The following PRIM2 variants were observed in gnomAD, a reference collection of about 807,000 sequenced individuals.
PRIM2 encodes DNA primase large subunit.
Under a neutral mutation model 67.3 loss-of-function variants are expected in PRIM2, and 39 were observed. The observed-to-expected ratio is 0.58, with a 90% CI of 0.45 to 0.76. The LOEUF is 0.76. PRIM2 is among the 30% of genes least tolerant of loss of function. The pLI, the probability that PRIM2 is intolerant of heterozygous loss-of-function variation, is 0.00. For missense variants in PRIM2, 398 were observed against 598.7 expected, an observed-to-expected ratio of 0.66 and a Z score of 3.50; for synonymous variants, 143 against 198.7, an observed-to-expected ratio of 0.72 and a Z score of 2.36.
intron 12 of PRIM2, among the ~76,000 whole-genome samples, chr6:57,631,006 T>C (rs1244465332): frequency 2.6e-5 from 4 of 152,226 alleles, no homozygotes; most frequent in East Asian, 1.9e-4. Context: ...AGGTCTTTCA[T>C]ATATGATTTA....
At chr6:57,607,849 G>A (rs1477666189) in intron 12 of PRIM2, among the ~76,000 whole-genome samples, 4 of 152,116 alleles carry the variant, frequency 2.6e-5, no homozygotes, top group African/African-American at 7.2e-5. Flanking sequence ...AGATAATTTA[G>A]GACTAGAAAT....
At chr6:57,437,934 G>A (rs1005093448) in intron 7 of PRIM2, among the ~76,000 whole-genome samples, 3 of 152,060 alleles carry the variant, frequency 2.0e-5, no homozygotes, top group African/African-American at 7.2e-5. Context: ...TGGAATTACA[G>A]GCATGAGCCA....
intron 10 of PRIM2, among the ~76,000 whole-genome samples, chr6:57,540,021 A>G (rs1233064757): frequency 6.6e-6 from 1 of 152,024 alleles, no homozygotes; most frequent in Non-Finnish European, 1.5e-5. Flanking sequence ...GAAACTACAC[A>G]TAATTTTAAA....
chr6:57,622,700 A>G (rs1251033417), intron 12 of PRIM2, among the ~76,000 whole-genome samples: 1 of 152,166 alleles, frequency 6.6e-6, no homozygotes, highest in Non-Finnish European at 1.5e-5. Context: ...CTTCTAAGAA[A>G]CTTAAGAGTG....
the PRIM2 span, among the ~76,000 whole-genome samples, chr6:57,294,304 A>T: frequency 1.3e-5 from 2 of 152,110 alleles, no homozygotes; most frequent in African/African-American, 4.8e-5. Flanking sequence ...ACATGGTGAA[A>T]CCCCATCTCT....
At chr6:57,442,559 G>A (rs936133401) in intron 7 of PRIM2, among the ~76,000 whole-genome samples, 7 of 152,206 alleles carry the variant, frequency 4.6e-5, no homozygotes, top group East Asian at 1.9e-4. Context: ...CAAACTTGCT[G>A]CAGCACCAAT....
chr6:57,459,237 C>A (rs1427873966), intron 7 of PRIM2, among the ~76,000 whole-genome samples: 1 of 152,184 alleles, frequency 6.6e-6, no homozygotes, highest in Non-Finnish European at 1.5e-5. Flanking sequence ...TTGTAAAATG[C>A]TCAGGGTAGC....
intron 7 of PRIM2, among the ~76,000 whole-genome samples, chr6:57,412,656 C>T (rs1415660188): frequency 3.9e-5 from 6 of 152,026 alleles, no homozygotes; most frequent in Non-Finnish European, 1.5e-5. Flanking sequence ...TAACTTATTG[C>T]ATTAATTTTC....
At chr6:57,512,525 A>T (rs1467250037) in intron 8 of PRIM2, among the ~76,000 whole-genome samples, 1 of 152,180 alleles carries the variant, frequency 6.6e-6, no homozygotes, top group African/African-American at 2.4e-5. Context: ...GTTATTTATC[A>T]TAATCCCTAT....
At chr6:57,260,159 C>CA in the PRIM2 span, among the ~76,000 whole-genome samples, 1 of 152,174 alleles carries the variant, frequency 6.6e-6, no homozygotes, top group Admixed American at 6.5e-5. Flanking sequence ...AGGAAAGAAT[C>CA]AAAACCAATA....
At chr6:57,253,657 G>T in the PRIM2 span, among the ~76,000 whole-genome samples, 1 of 152,068 alleles carries the variant, frequency 6.6e-6, no homozygotes, top group South Asian at 2.1e-4. Context: ...TGTAATCATG[G>T]TTATTATGAA....
chr6:57,644,873 G>A (rs1414778425), intron 13 of PRIM2, among the ~76,000 whole-genome samples: 1 of 152,178 alleles, frequency 6.6e-6, no homozygotes, highest in Non-Finnish European at 1.5e-5. Flanking sequence ...ACTGTGGAAA[G>A]TGAAACTGAA....
intron 7 of PRIM2, among the ~76,000 whole-genome samples, chr6:57,383,941 T>C (rs1405686939): frequency 3.3e-5 from 5 of 152,242 alleles, no homozygotes; most frequent in African/African-American, 1.2e-4. Context: ...GTTAGTATTT[T>C]CTTTTCTAGT....
At chr6:57,310,366 G>A (rs1562686228), upstream of PRIM2, among the ~76,000 whole-genome samples, 1 of 152,206 alleles carries the variant, frequency 6.6e-6, no homozygotes, top group Non-Finnish European at 1.5e-5. Flanking sequence ...AGGGGGTTGA[G>A]GGTAAGGTTA....
At chr6:57,634,029 T>A (rs1351929518) in intron 13 of PRIM2, among the ~76,000 whole-genome samples, 2 of 152,244 alleles carry the variant, frequency 1.3e-5, no homozygotes, top group African/African-American at 4.8e-5. Context: ...TTTCCCTGTC[T>A]ATGAATAAAA....
At chr6:57,530,469 G>A (rs1459758636) in intron 8 of PRIM2, among the ~76,000 whole-genome samples, 2 of 152,168 alleles carry the variant, frequency 1.3e-5, no homozygotes, top group Non-Finnish European at 2.9e-5. Flanking sequence ...GAAAAGGTGG[G>A]CAGGATGACT....
intron 7 of PRIM2, chr6:57,497,468 A>C (rs1375090996): frequency 2.0e-5 from 3 of 152,210 alleles, no homozygotes; most frequent in Non-Finnish European, 4.4e-5. Flanking sequence ...TTTCATGATC[A>C]AAAATCAGCA....
chr6:57,263,386 C>G, the PRIM2 span, among the ~76,000 whole-genome samples: 2 of 152,156 alleles, frequency 1.3e-5, no homozygotes, highest in Non-Finnish European at 2.9e-5. Flanking sequence ...CCTTCCTTGC[C>G]CCTTCCCAGC....
chr6:57,510,581 G>A (rs1554347623), intron 8 of PRIM2, among the ~76,000 whole-genome samples: 1 of 151,984 alleles, frequency 6.6e-6, no homozygotes, highest in African/African-American at 2.4e-5. Flanking sequence ...CACTCATGAC[G>A]GGTTGCTAGG....
Sources: allele counts gnomAD v4.1 joint callset (sites outside exome capture counted in the v4.1 genomes callset), GRCh38; gene constraint gnomAD v4.1.1; transcripts MANE v1.5; gene names NCBI Gene and HGNC (gene_info 2026-07-23, HGNC 2026-07-21).